Variants in TP53AIP1 observed in about 807,000 individuals in gnomAD.
TP53AIP1 encodes the protein p53-regulated apoptosis-inducing protein 1.
A neutral mutation model predicts 9.5 loss-of-function variants in TP53AIP1; 14 were observed. That is an observed-to-expected ratio of 1.47 (90% confidence interval 0.97 to 2.30). The LOEUF is 2.30. TP53AIP1 is among the 30% of genes most tolerant of loss of function. The pLI is 0.00. For missense variants in TP53AIP1, 153 were observed against 146.7 expected, an observed-to-expected ratio of 1.04 and a Z score of -0.22; for synonymous variants, 73 against 61.2, an observed-to-expected ratio of 1.19 and a Z score of -0.90.
downstream of TP53AIP1, chr11:128,935,132 G>A (rs1217518407): frequency 2.7e-6 from 2 of 729,872 alleles, no homozygotes; most frequent in African/African-American, 1.7e-5. Context: ...CTGCAGCTGG[G>A]GGACACCCAG....
Position 128,937,569 on chromosome 11 carries a change from G to T in TP53AIP1, c.141+109C>A. 6.2e-7 allele frequency: 1 copy of T among 1,614,152 alleles called. No homozygotes were observed. Among genetic ancestry groups the T allele is most frequent in the Non-Finnish European group, 8.5e-7 (1 of 1,180,030 alleles). ...TCTGAGGACCCAGATGCTGTCACTG[G>T]GTCCTGGTGAGTCTGAAAACTTGGG... On this transcript the variant is annotated intron_variant, in intron 2 of 3. Coordinates refer to ENST00000531399, the MANE Select transcript of TP53AIP1 (RefSeq NM_022112.3). The surrounding 1 kb of genome is among the most constrained non-coding windows in gnomAD (Gnocchi z 4.8).
Position 128,936,084 on chromosome 11 carries a change from C to T in TP53AIP1, c.254-372G>A, listed in dbSNP as rs1032569532. ...TCATTCCATTTTACAGACACCTACA[C>T]TGAGACTCAGGCAGGCCAGTTGTCC... On this transcript the variant is annotated intron_variant, in intron 3 of 3. Transcript: ENST00000531399. 1.0e-4 allele frequency: 85 copies of T among 816,588 alleles called. No individual in the cohort carries two copies. The African/African-American group carries it at 1.6e-3, about 15-fold the overall frequency. 50.6% of individuals were successfully genotyped at this position (816,588 alleles called of 1,614,324 possible).
In TP53AIP1 at chr11:128,936,548, C is replaced by G; in HGVS notation, c.243G>C (p.Trp81Cys). 1 of 1,574,330 alleles carries G rather than the reference C, an allele frequency of 6.4e-7. No individual in the cohort carries two copies. Among genetic ancestry groups the G allele is most frequent in the Non-Finnish European group, 8.6e-7 (1 of 1,168,120 alleles). The change falls in exon 3 of 4, where the codon TGG becomes TGC. Residue 81 changes from tryptophan (W) to cysteine (C), a missense_variant. Trp to Cys is a radical substitution (Grantham distance 215). Coordinates refer to ENST00000531399, the MANE Select transcript of TP53AIP1 (RefSeq NM_022112.3). ...GTAATTATCACACACCTGTCAGGAT[C>G]CAGACAGTTGCTGAGGACCAAGATC... is the stretch of plus-strand genomic sequence containing the variant. ...SSGSWSSATV[W>C]ILTGLGLGLS...
intron 2 of TP53AIP1, 35 bp from the exon 3 acceptor site, chr11:128,936,684 C>T: frequency 6.5e-7 from 1 of 1,546,766 alleles, no homozygotes. Flanking sequence ...TGAGGCCCTG[C>T]AGCGCCGTCT....
At chr11:128,936,254 T>C (rs992523279) in intron 3 of TP53AIP1, 26 of 1,171,496 alleles carry the variant, frequency 2.2e-5, no homozygotes, top group Middle Eastern at 3.6e-4. Context: ...TTGTCCAGCA[T>C]CCTATGGCCC....
Position 128,936,466 on chromosome 11 carries a change from T to C in TP53AIP1, c.253+72A>G, listed in dbSNP as rs560133093. 3,955 of 1,468,736 alleles carry C rather than the reference T, an allele frequency of 2.7e-3. 5 individuals carry two copies. The highest frequency in any genetic ancestry group is 3.3e-3 in the Non-Finnish European group (3,649 of 1,116,318). 91.0% of individuals were successfully genotyped at this position (1,468,736 alleles called of 1,614,324 possible). A position where few individuals can be genotyped will look rare whatever the true frequency, so the allele number is the denominator to read the frequency against. ...AACCCTATGTCGTTACCTGGATTTA[T>C]CGAGAGGACATCAAATCACTTAATT... On this transcript the variant is annotated intron_variant, in intron 3 of 3. Coordinates refer to ENST00000531399, the MANE Select transcript of TP53AIP1 (RefSeq NM_022112.3).
At position 128,935,910 on chromosome 11, in the gene TP53AIP1, A is replaced by G. The variant is rs1591463241; in HGVS notation, c.254-198T>C. On this transcript the variant is annotated intron_variant, in intron 3 of 3. Transcript: ENST00000531399. ...AATCTTTAGATTTCATAGATATCAA[A>G]TGGGCCAACAAAAATGTATCTTGGA... The G allele has an allele frequency of 4.6e-6, 6 of 1,308,588 alleles. No individual in the cohort carries two copies. In the East Asian group the frequency reaches 1.4e-4, roughly 31 times the overall value. 81.1% of individuals were successfully genotyped at this position (1,308,588 alleles called of 1,614,324 possible).
chr11:128,937,616 C>A lies in TP53AIP1; in HGVS notation c.141+62G>T, dbSNP rs774791170. 6.2e-7 allele frequency: 1 copy of A among 1,614,180 alleles called. No individual in the cohort carries two copies. The highest frequency in any genetic ancestry group is 1.7e-5 in the Admixed American group (1 of 60,022). On this transcript the variant is annotated intron_variant, in intron 2 of 3. Coordinates refer to ENST00000531399, the MANE Select transcript of TP53AIP1 (RefSeq NM_022112.3). This position sits in a 1 kb window ranked among gnomAD's most constrained non-coding sequence, Gnocchi z 4.8. ...TGGGATGTCGGCACCACGGTGAGAG[C>A]AGAGTCTGCCCGGGGCTGTGGCAGG... is the stretch of plus-strand genomic sequence containing the variant.
In TP53AIP1 at chr11:128,937,688, G is replaced by A; in HGVS notation, c.131C>T (p.Thr44Ile). Residue 44 changes from threonine to isoleucine, a missense_variant, in exon 2 of 4, where the codon ACA becomes ATA. Coordinates refer to ENST00000531399, the MANE Select transcript of TP53AIP1 (RefSeq NM_022112.3). The surrounding 1 kb of genome is among the most constrained non-coding windows in gnomAD (Gnocchi z 4.8). ...MPPNGRAQTH[T>I]PGWVSDPLVL... The stretch of plus-strand genomic sequence containing the variant: ...ACTGCAGGGACTTACCCAGCCAGGT[G>A]TGTGTGTCTGAGCCCTGCCATTCGG... The A allele has an allele frequency of 1.2e-6, 2 of 1,614,192 alleles. No homozygotes were observed. The highest frequency in any genetic ancestry group is 1.7e-6 in the Non-Finnish European group (2 of 1,180,030).
Position 128,938,765 on chromosome 11 carries a change from G to A in TP53AIP1, c.-76-871C>T, listed in dbSNP as rs148455532. Among the ~76,000 whole-genome samples the A allele has an allele frequency of 9.4e-3, 1,424 of 152,168 alleles. 10 individuals carry two copies. Among genetic ancestry groups the A allele is most frequent in the Non-Finnish European group, 0.016 (1,096 of 68,008 alleles). On this transcript the variant is annotated intron_variant, in intron 1 of 3. Coordinates refer to ENST00000531399, the MANE Select transcript of TP53AIP1 (RefSeq NM_022112.3). ...ACCTCCAGGGGCAGCTCACAGCAGC[G>A]CCACCTGCATCACCCACAGAATGGA...
Position 128,935,718 on chromosome 11 carries a change from T to G in TP53AIP1, c.254-6A>C. ...GGAGAGACCTAGACCAAGGCCTCAG[T>G]AGGGAGGGAGAGAATTTACTCTTTG... On this transcript the variant is annotated splice_polypyrimidine_tract_variant and splice_region_variant and intron_variant, in intron 3 of 3. Transcript: ENST00000531399. 6.4e-7 allele frequency: 1 copy of G among 1,559,206 alleles called. No homozygotes were observed. Among genetic ancestry groups the G allele is most frequent in the African/African-American group, 1.4e-5 (1 of 73,918 alleles).
At position 128,937,625 on chromosome 11, in the gene TP53AIP1, C is replaced by T. The variant is rs759751411; in HGVS notation, c.141+53G>A. On this transcript the variant is annotated intron_variant, in intron 2 of 3. Coordinates refer to ENST00000531399, the MANE Select transcript of TP53AIP1 (RefSeq NM_022112.3). The surrounding 1 kb of genome is among the most constrained non-coding windows in gnomAD (Gnocchi z 4.8). The stretch of plus-strand genomic sequence containing the variant: ...GGCACCACGGTGAGAGCAGAGTCTG[C>T]CCGGGGCTGTGGCAGGCAAAAGACC... The T allele has an allele frequency of 1.5e-5, 25 of 1,614,060 alleles. No homozygotes were observed. The highest frequency in any genetic ancestry group is 2.1e-5 in the Non-Finnish European group (25 of 1,180,034).
intron 1 of TP53AIP1, among the ~76,000 whole-genome samples, chr11:128,942,075 C>T (rs1220020767): frequency 1.3e-5 from 2 of 152,160 alleles, no homozygotes; most frequent in East Asian, 1.9e-4. Flanking sequence ...TCCTGGCACA[C>T]GGTAAGCTCT....
chr11:128,936,519 C>G lies in TP53AIP1; in HGVS notation c.253+19G>C, dbSNP rs762978900. ...ATCACGGCCCACACCCATGAATTCA[C>G]TAAGTAATTATCACACACCTGTCAG... On this transcript the variant is annotated intron_variant, in intron 3 of 3. Coordinates refer to ENST00000531399, the MANE Select transcript of TP53AIP1 (RefSeq NM_022112.3). 6.5e-7 allele frequency: 1 copy of G among 1,544,858 alleles called. No homozygotes were observed. The highest frequency in any genetic ancestry group is 8.7e-7 in the Non-Finnish European group (1 of 1,153,306).
intron 1 of TP53AIP1, 144 bp from the exon 2 acceptor site, chr11:128,938,038 G>A (rs1162050647): frequency 5.4e-6 from 3 of 556,890 alleles, no homozygotes; most frequent in Non-Finnish European, 9.4e-6. Flanking sequence ...GGGCTGGGCT[G>A]TAACCACACA....
rs1489520928 is a variant in TP53AIP1, at chr11:128,937,846, A to G, written c.-28T>C. ...AGGGGAGGCCCTGTCTGCAGAAAGC[A>G]GAGAACTTGGCTTCTCCTCATTTGT... On this transcript the variant is annotated 5_prime_UTR_variant, in exon 2 of 4. Transcript: ENST00000531399. The surrounding 1 kb of genome is among the most constrained non-coding windows in gnomAD (Gnocchi z 4.8). 6.3e-7 allele frequency: 1 copy of G among 1,581,842 alleles called. No individual in the cohort carries two copies.
chr11:128,942,067 C>G (rs1325980907), intron 1 of TP53AIP1, among the ~76,000 whole-genome samples: 1 of 152,190 alleles, frequency 6.6e-6, no homozygotes, highest in African/African-American at 2.4e-5. Flanking sequence ...TGTGGCAGTC[C>G]TGGCACACGG....
At chr11:128,938,521 C>T (rs904344189) in intron 1 of TP53AIP1, among the ~76,000 whole-genome samples, 1 of 152,178 alleles carries the variant, frequency 6.6e-6, no homozygotes, top group African/African-American at 2.4e-5. Flanking sequence ...GAAGCTGGTG[C>T]CCTCACTTGT....
chr11:128,941,652 A>C (rs1192491694), intron 1 of TP53AIP1, among the ~76,000 whole-genome samples: 1 of 152,170 alleles, frequency 6.6e-6, no homozygotes, highest in Non-Finnish European at 1.5e-5. Flanking sequence ...CTGGGGGGAC[A>C]TGAGGGACAC....
Sources: allele counts gnomAD v4.1 joint callset (sites outside exome capture counted in the v4.1 genomes callset), GRCh38; gene constraint gnomAD v4.1.1; non-coding constraint Gnocchi (gnomAD v3.1); transcripts MANE v1.5; gene names NCBI Gene and HGNC (gene_info 2026-07-23, HGNC 2026-07-21).